Variants in PRKCE observed in about 807,000 individuals in gnomAD.
PRKCE encodes the protein protein kinase C epsilon type.
PRKCE carries 16 observed loss-of-function variants against 85.4 expected under a neutral mutation model. The observed-to-expected ratio is 0.19, with a 90% CI of 0.13 to 0.28. The LOEUF (loss-of-function observed/expected upper bound fraction) is 0.28. Among genes scored for constraint, PRKCE ranks in the 10% least tolerant of loss-of-function variants. PRKCE has a pLI of 1.00. For missense variants in PRKCE, 573 were observed against 975.2 expected (o/e 0.59, Z 5.49); for synonymous variants, 388 against 371.5 (o/e 1.04, Z -0.51).
At chr2:45,680,119 TCACAGACCAGGGCTAG>T (rs1175728767) in intron 1 of PRKCE, among the ~76,000 whole-genome samples, 1 of 152,214 alleles carries the variant, frequency 6.6e-6, no homozygotes, top group East Asian at 1.9e-4. Context: ...AGGCTACCAT[TCACAGACCAGGGCTAG>T]CTATTCTAGA....
At chr2:46,010,226 T>A in intron 9 of PRKCE, 118 bp from the exon 10 acceptor site, 1 of 1,180,920 alleles carries the variant, frequency 8.5e-7, no homozygotes, top group Non-Finnish European at 1.2e-6. Context: ...AGGCTTGTTA[T>A]AATATTTAAA....
intron 2 of PRKCE, among the ~76,000 whole-genome samples, chr2:45,849,647 G>A (rs564668754): frequency 2.0e-4 from 31 of 152,234 alleles, no homozygotes; most frequent in African/African-American, 7.2e-4. Flanking sequence ...TCCTGATCCT[G>A]TTCACCACAC....
At chr2:45,901,813 C>A (rs967865730) in intron 2 of PRKCE, among the ~76,000 whole-genome samples, 2 of 152,210 alleles carry the variant, frequency 1.3e-5, no homozygotes, top group Admixed American at 1.3e-4. Context: ...CTGTACCGTG[C>A]TGGCCTTGGT....
intron 1 of PRKCE, among the ~76,000 whole-genome samples, chr2:45,765,603 T>C (rs1487978757): frequency 1.3e-5 from 2 of 152,250 alleles, no homozygotes; most frequent in Non-Finnish European, 2.9e-5. Context: ...ACTTCTTTCT[T>C]CCTCTTCCCC....
rs1210402363 is a variant in PRKCE, at chr2:45,884,995, A to ATT, written c.412+41933_412+41934insTT. Among the ~76,000 whole-genome samples the ATT allele has an allele frequency of 1.7e-4, 12 of 70,248 alleles. 1 individual carries two copies. Among genetic ancestry groups the ATT allele is most frequent in the East Asian group, 1.2e-3 (2 of 1,664 alleles). 46.1% of individuals were successfully genotyped at this position (70,248 alleles called of 152,430 possible). A position where few individuals can be genotyped will look rare whatever the true frequency, so the allele number is the denominator to read the frequency against. The stretch of plus-strand genomic sequence containing the variant: ...TATATATATATATATATATATATAT[A>ATT]TATATATTTGTTGTTGTTGTTGTTG... On this transcript the variant is annotated intron_variant, in intron 2 of 14. Transcript: ENST00000306156.
At chr2:46,161,108 C>G (rs997512161) in intron 14 of PRKCE, among the ~76,000 whole-genome samples, 4 of 152,226 alleles carry the variant, frequency 2.6e-5, no homozygotes, top group African/African-American at 9.6e-5. Context: ...GCCCACCATT[C>G]CAAGCCAGGA....
At chr2:46,029,260 T>C (rs10167883) in intron 10 of PRKCE, among the ~76,000 whole-genome samples, 34,293 of 152,172 alleles carry the variant, frequency 0.23, 4,279 homozygotes, top group African/African-American at 0.32. Context: ...AGTTAAGAAG[T>C]GGTAGAATTG....
chr2:45,734,024 G>A (rs1053715065), intron 1 of PRKCE, among the ~76,000 whole-genome samples: 1 of 152,188 alleles, frequency 6.6e-6, no homozygotes, highest in African/African-American at 2.4e-5. Context: ...GCACCATGTG[G>A]GCTGCGCAGT....
At position 46,151,103 on chromosome 2, in the gene PRKCE, C is replaced by T. The variant is rs761672072; in HGVS notation, c.1794C>T (p.Tyr598=). The T allele has an allele frequency of 3.2e-5, 51 of 1,599,366 alleles. No homozygotes were observed. The highest frequency in any genetic ancestry group is 6.7e-5 in the African/African-American group (5 of 74,820). The change falls in exon 13 of 15, where the codon TAC becomes TAT. Residue 598 remains tyrosine, a synonymous_variant. Coordinates refer to ENST00000306156, the MANE Select transcript of PRKCE (RefSeq NM_005400.3). ...VDWWALGVLM[Y]EMMAGQPPFE... ...GGTGGGCCCTGGGGGTGCTGATGTA[C>T]GAGATGATGGCTGGACAGCCTCCCT...
intron 2 of PRKCE, among the ~76,000 whole-genome samples, chr2:45,909,515 T>G (rs1269910623): frequency 6.6e-6 from 1 of 152,248 alleles, no homozygotes. Flanking sequence ...GGTTGTATTG[T>G]TCCTAAAGGG....
rs566126739 is a variant in PRKCE at position 46,184,791 on chromosome 2, A to G, written c.2124A>G (p.Val708=). 1 of 1,599,740 alleles carries G rather than the reference A, an allele frequency of 6.3e-7. No homozygotes were observed. The highest frequency in any genetic ancestry group is 1.3e-5 in the African/African-American group (1 of 75,042). The change falls in exon 15 of 15, where the codon GTA becomes GTG. Residue 708 remains valine, a synonymous_variant. Coordinates refer to ENST00000306156, the MANE Select transcript of PRKCE (RefSeq NM_005400.3). The surrounding 1 kb of genome is among the most constrained non-coding windows in gnomAD (Gnocchi z 5.0). ...AAGACTTTACCCGGGAAGAGCCGGT[A>G]CTCACCCTTGTGGACGAAGCAATTG... The part of the protein sequence containing the change: ...FDQDFTREEP[V]LTLVDEAIVK...
At chr2:45,880,869 G>A (rs776504906) in intron 2 of PRKCE, among the ~76,000 whole-genome samples, 17 of 152,298 alleles carry the variant, frequency 1.1e-4, no homozygotes, top group Admixed American at 3.9e-4. Context: ...ATTTCAGGGT[G>A]TAGGCCGGGC....
chr2:45,918,226 C>T (rs1697980567), intron 2 of PRKCE, among the ~76,000 whole-genome samples: 1 of 152,142 alleles, frequency 6.6e-6, no homozygotes, highest in Admixed American at 6.5e-5. Flanking sequence ...TGCCAGCACG[C>T]TGTCACCTCT....
chr2:45,712,230 C>T (rs995174823), intron 1 of PRKCE, among the ~76,000 whole-genome samples: 1 of 146,868 alleles, frequency 6.8e-6, no homozygotes, highest in African/African-American at 2.5e-5. Flanking sequence ...TTACTGCAAC[C>T]TCCACCTCCC....
At chr2:45,971,458 G>T (rs981067966) in intron 2 of PRKCE, among the ~76,000 whole-genome samples, 1 of 152,168 alleles carries the variant, frequency 6.6e-6, no homozygotes, top group Non-Finnish European at 1.5e-5. Flanking sequence ...AGAAAGCTAT[G>T]CTAAGGACAT....
intron 1 of PRKCE, among the ~76,000 whole-genome samples, chr2:45,696,346 A>G (rs1322690669): frequency 2.0e-5 from 3 of 152,168 alleles, no homozygotes; most frequent in Admixed American, 2.0e-4. Flanking sequence ...AACAGGAATA[A>G]AGCCTTTTTT....
chr2:46,120,730 C>A (rs752088506), intron 11 of PRKCE, among the ~76,000 whole-genome samples: 1 of 152,208 alleles, frequency 6.6e-6, no homozygotes, highest in South Asian at 2.1e-4. Flanking sequence ...CTACTCAACA[C>A]GTTTTTGTAA....
At chr2:46,158,423 G>T (rs374269875) in intron 13 of PRKCE, among the ~76,000 whole-genome samples, 2 of 152,104 alleles carry the variant, frequency 1.3e-5, no homozygotes, top group African/African-American at 2.4e-5. Context: ...TTAAAGTGGG[G>T]GTCACCTTGC....
chr2:45,703,987 C>T (rs1018232200), intron 1 of PRKCE, among the ~76,000 whole-genome samples: 3 of 152,124 alleles, frequency 2.0e-5, no homozygotes, highest in African/African-American at 7.2e-5. Context: ...GGTTAGGAGG[C>T]ATTATTTCTG....
Sources: gnomAD v4.1 joint callset for allele counts (sites outside exome capture counted in the v4.1 genomes callset) on GRCh38, gnomAD v4.1.1 for gene constraint, Gnocchi (gnomAD v3.1) non-coding constraint, MANE v1.5 for transcripts, NCBI Gene and HGNC (gene_info 2026-07-23, HGNC 2026-07-21) for gene names.